Variants in SLC37A2 observed in about 807,000 individuals in gnomAD.
The protein encoded by SLC37A2 is solute carrier family 37 member 2.
Under a neutral mutation model 70.7 loss-of-function variants are expected in SLC37A2, and 59 were observed. That is an observed-to-expected ratio of 0.83 (90% confidence interval 0.68 to 1.04). The LOEUF is 1.04. SLC37A2 is among the 50% of genes least tolerant of loss of function. SLC37A2 has a pLI of 0.00. For synonymous variants in SLC37A2, 257 were observed against 262.1 expected (o/e 0.98, Z 0.19); for missense variants, 580 against 658.1 (o/e 0.88, Z 1.30).
At position 125,063,905 on chromosome 11, in the gene SLC37A2, T is replaced by C. The variant is rs962745832; in HGVS notation, c.59+479T>C. Among the ~76,000 whole-genome samples the C allele has an allele frequency of 6.6e-6, 1 of 152,182 alleles. No homozygotes were observed. The highest frequency in any genetic ancestry group is 1.5e-5 in the Non-Finnish European group (1 of 68,028). On this transcript the variant is annotated intron_variant, in intron 1 of 17. Coordinates refer to ENST00000403796, the MANE Select transcript of SLC37A2 (RefSeq NM_001145290.2). The surrounding 1 kb of genome is among the most constrained non-coding windows in gnomAD (Gnocchi z 5.4). ...CACCAAGGCCAGAACTCAGTGGTCC[T>C]GGGAGCTCGTCTCGAGGCCTTTCAG...
rs1949257315 is a variant in SLC37A2, at chr11:125,089,180, A to AT, written c.*1047dup. 6.6e-6 allele frequency: 1 copy of AT among 152,302 alleles called. No homozygotes were observed. Among genetic ancestry groups the AT allele is most frequent in the Admixed American group, 6.5e-5 (1 of 15,286 alleles). 9.4% of individuals were successfully genotyped at this position (152,302 alleles called of 1,614,324 possible). A position where few individuals can be genotyped will look rare whatever the true frequency, so the allele number is the denominator to read the frequency against. On this transcript the variant is annotated 3_prime_UTR_variant, in exon 18 of 18. Coordinates refer to ENST00000403796, the MANE Select transcript of SLC37A2 (RefSeq NM_001145290.2). ...CGCTGTTTTCTGGCTAGCTCTTGGCATCTCCATCTGAGCCTAAAGTTGCCC... is the reference window on the plus strand; with the variant it reads ...CGCTGTTTTCTGGCTAGCTCTTGGCATTCTCCATCTGAGCCTAAAGTTGCCC...
At chr11:125,084,558 C>T (rs1366375156) in intron 12 of SLC37A2, among the ~76,000 whole-genome samples, 3 of 152,144 alleles carry the variant, frequency 2.0e-5, no homozygotes, top group Admixed American at 6.5e-5. Flanking sequence ...TAGAGGAGAC[C>T]GCCTCCTAAA....
Position 125,081,908 on chromosome 11 carries a change from T to A in SLC37A2, c.885+2T>A. 6.3e-7 allele frequency: 1 copy of A among 1,599,784 alleles called. No individual in the cohort carries two copies. The highest frequency in any genetic ancestry group is 8.5e-7 in the Non-Finnish European group (1 of 1,173,944). On this transcript the variant is annotated splice_donor_variant, in intron 9 of 17. Transcript: ENST00000403796. LOFTEE classifies it high-confidence loss of function. The stretch of plus-strand genomic sequence containing the variant: ...TTCTTTGGGGCGCTCCGGATCCCAG[T>A]AAGAAGTTTGTGGAATGGAGGAAAG...
At position 125,077,128 on chromosome 11, in the gene SLC37A2, T is replaced by A. The variant is rs537842227; in HGVS notation, c.142-102T>A. ...GGAGGAGGTGCCAGTAGCGGGGACATAGAATCTGGTAGGAGGCAGTGTCTC... is the reference window on the plus strand; with the variant it reads ...GGAGGAGGTGCCAGTAGCGGGGACAAAGAATCTGGTAGGAGGCAGTGTCTC... On this transcript the variant is annotated intron_variant, in intron 2 of 17. Coordinates refer to ENST00000403796, the MANE Select transcript of SLC37A2 (RefSeq NM_001145290.2). 1,660 of 947,478 alleles carry A rather than the reference T, an allele frequency of 1.8e-3. 32 individuals are homozygous for A. The highest frequency in any genetic ancestry group is 1.0e-4 in the Non-Finnish European group (64 of 621,638). 58.7% of individuals were successfully genotyped at this position (947,478 alleles called of 1,614,324 possible).
At chr11:125,078,962 C>T in intron 4 of SLC37A2, 150 bp from the exon 5 acceptor site, 3 of 902,466 alleles carry the variant, frequency 3.3e-6, no homozygotes, top group Non-Finnish European at 5.2e-6. Context: ...CAGTGGGGGA[C>T]AGAGGTTGGC....
chr11:125,081,302 G>A, intron 7 of SLC37A2, 119 bp from the exon 8 acceptor site: 1 of 985,108 alleles, frequency 1.0e-6, no homozygotes, highest in African/African-American at 1.7e-5. Context: ...TTAGGAGCTG[G>A]AGGCGGGGCT....
In SLC37A2 at chr11:125,088,478, G is replaced by T; in HGVS notation, c.*344G>T. On this transcript the variant is annotated 3_prime_UTR_variant, in exon 18 of 18. Transcript: ENST00000403796. ...AGACAGAAGGCTTCACAAGGCCAAC[G>T]CCTGGAAAATGGGCATCTCTCCTTC... 3.8e-6 allele frequency: 1 copy of T among 260,182 alleles called. No homozygotes were observed. Among genetic ancestry groups the T allele is most frequent in the South Asian group, 1.1e-4 (1 of 8,748 alleles). The allele number at this position is 260,182 out of a possible 1,614,324, so 16.1% of individuals were successfully genotyped here. A position where few individuals can be genotyped will look rare whatever the true frequency, so the allele number is the denominator to read the frequency against.
intron 9 of SLC37A2, 107 bp downstream of exon 9, chr11:125,082,013 T>C: frequency 7.5e-7 from 1 of 1,334,454 alleles, no homozygotes; most frequent in East Asian, 2.4e-5. Context: ...AACTTCTTTA[T>C]AGGGGAGGTG....
chr11:125,086,294 C>T, intron 17 of SLC37A2: 3 of 1,481,358 alleles, frequency 2.0e-6, no homozygotes, highest in Non-Finnish European at 2.8e-6. Flanking sequence ...GACTCGAGTG[C>T]CATTTGAGTG....
intron 1 of SLC37A2, 100 bp from the exon 2 acceptor site, chr11:125,076,657 G>T (rs548665564): frequency 2.8e-6 from 3 of 1,090,110 alleles, no homozygotes; most frequent in Non-Finnish European, 4.2e-6. Flanking sequence ...TGGTCCTCAG[G>T]CCCTGGGACT....
At position 125,088,430 on chromosome 11, in the gene SLC37A2, G is replaced by C. The variant is rs7110840; in HGVS notation, c.*296G>C. The C allele has an allele frequency of 0.78, 312,293 of 402,572 alleles. 121,662 individuals are homozygous for C. Among genetic ancestry groups the C allele is most frequent in the African/African-American group, 0.87 (43,543 of 49,788 alleles). The allele number at this position is 402,572 out of a possible 1,614,324, so 24.9% of individuals were successfully genotyped here. On this transcript the variant is annotated 3_prime_UTR_variant, in exon 18 of 18. Transcript: ENST00000403796. ...TTTTGATAAGGAAAGGATATGCTCA[G>C]ACTCTTGCTTGTTCAGATTCCAAGA...
intron 1 of SLC37A2, among the ~76,000 whole-genome samples, chr11:125,072,464 C>G (rs1219456794): frequency 1.3e-5 from 2 of 152,196 alleles, no homozygotes; most frequent in Non-Finnish European, 2.9e-5. Context: ...AGCCGGGGGC[C>G]TTCCCCTCCA....
chr11:125,086,520 T>C (rs1949217294), intron 17 of SLC37A2: 5 of 482,516 alleles, frequency 1.0e-5, no homozygotes, highest in South Asian at 9.0e-5. Flanking sequence ...GAGGCAGAAA[T>C]AGGGAAACCA....
Position 125,086,017 on chromosome 11 carries a change from G to A in SLC37A2, c.1489G>A (p.Gly497Arg), listed in dbSNP as rs771322070. ...GAAGGTGTCCCTGAGCAGAGGCAGC[G>A]GGTGAGTCCGGGGAGCTGAAGCTGC... ...AWKVSLSRGSGYKEI is the reference protein window; with the variant it reads ...AWKVSLSRGSRYKEI Residue 497 changes from glycine to arginine, a missense_variant and splice_region_variant, in exon 17 of 18, where the codon GGG (glycine) becomes AGG (arginine). Gly to Arg is a moderately radical substitution (Grantham distance 125). Coordinates refer to ENST00000403796, the MANE Select transcript of SLC37A2 (RefSeq NM_001145290.2). 1.4e-5 allele frequency: 23 copies of A among 1,613,760 alleles called. No homozygotes were observed. Among genetic ancestry groups the A allele is most frequent in the South Asian group, 5.5e-5 (5 of 91,078 alleles).
intron 1 of SLC37A2, among the ~76,000 whole-genome samples, chr11:125,070,804 C>T (rs1034123953): frequency 1.3e-5 from 2 of 152,174 alleles, no homozygotes; most frequent in African/African-American, 2.4e-5. Flanking sequence ...GCAGCTTCTC[C>T]CCCAGCTGCT....
At chr11:125,067,371 G>A (rs77150716) in intron 1 of SLC37A2, among the ~76,000 whole-genome samples, 4,300 of 152,256 alleles carry the variant, frequency 0.028, 201 homozygotes, top group African/African-American at 0.098. Context: ...CACCATCAGG[G>A]TGCTGATAAA....
At chr11:125,076,009 G>C (rs1338449912) in intron 1 of SLC37A2, among the ~76,000 whole-genome samples, 1 of 151,994 alleles carries the variant, frequency 6.6e-6, no homozygotes, top group Non-Finnish European at 1.5e-5. Flanking sequence ...AGGGCTCTGG[G>C]GCCCTTCCCC....
chr11:125,086,383 A>T (rs886532950), intron 17 of SLC37A2: 3 of 819,118 alleles, frequency 3.7e-6, no homozygotes, highest in Non-Finnish European at 6.4e-6. Context: ...AGTTGTAAAG[A>T]CTTTCAACCT....
chr11:125,081,967 G>A, intron 9 of SLC37A2, 61 bp downstream of exon 9: 1 of 1,533,594 alleles, frequency 6.5e-7, no homozygotes, highest in Admixed American at 2.0e-5. Flanking sequence ...TGTTGGTGAT[G>A]AGGAGATGGG....
Sources: gnomAD v4.1 joint callset for allele counts (sites outside exome capture counted in the v4.1 genomes callset) on GRCh38, gnomAD v4.1.1 for gene constraint, Gnocchi (gnomAD v3.1) non-coding constraint, MANE v1.5 for transcripts, NCBI Gene and HGNC (gene_info 2026-07-23, HGNC 2026-07-21) for gene names.